CDIN1: variants seen among roughly 807,000 people sequenced by gnomAD.
The protein encoded by CDIN1 is CDAN1 interacting nuclease 1.
In CDIN1, 33 loss-of-function variants were observed where a neutral mutation model predicts 45.3. The observed-to-expected ratio is 0.73, with a 90% CI of 0.55 to 0.97. The LOEUF is 0.97. CDIN1 is among the 50% of genes least tolerant of loss of function. The probability of loss-of-function intolerance (pLI) is 0.00; values close to 1 mark genes in which losing one functional copy is unlikely to be tolerated. For synonymous variants in CDIN1, 118 were observed against 124.4 expected, an observed-to-expected ratio of 0.95 and a Z score of 0.34; for missense variants, 303 against 339.4, an observed-to-expected ratio of 0.89 and a Z score of 0.84.
chr15:36,615,413 C>T (rs750304668), intron 1 of CDIN1, among the ~76,000 whole-genome samples: 30 of 152,146 alleles, frequency 2.0e-4, no homozygotes, highest in Admixed American at 7.2e-4. Flanking sequence ...ATCAATAGTG[C>T]AACTGTTTTG....
Position 36,691,627 on chromosome 15 carries a change from A to G in CDIN1, c.347-58A>G, listed in dbSNP as rs553916138. 18 of 1,086,278 alleles carry G rather than the reference A, an allele frequency of 1.7e-5. No individual in the cohort carries two copies. The South Asian group carries it at 2.1e-4, about 12-fold the overall frequency. 67.3% of individuals were successfully genotyped at this position (1,086,278 alleles called of 1,614,324 possible). A position where few individuals can be genotyped will look rare whatever the true frequency, so the allele number is the denominator to read the frequency against. ...TATATGTAGATATATGTCACTCCTC[A>G]TGTTGCATTAAAAGTATGTTGACTA... On this transcript the variant is annotated intron_variant, in intron 5 of 10. Transcript: ENST00000566621.
chr15:36,644,359 G>A lies in CDIN1; in HGVS notation c.147+36G>A, dbSNP rs1050073140. On this transcript the variant is annotated intron_variant, in intron 2 of 10. Transcript: ENST00000566621. Reference sequence around the variant, plus strand: ...TTCTCCTTTGTGAGGGTTGACAGGTGCCTAATTGAATGATGAATGTCCCTT... The same window carrying A: ...TTCTCCTTTGTGAGGGTTGACAGGTACCTAATTGAATGATGAATGTCCCTT... The A allele has an allele frequency of 2.5e-6, 4 of 1,589,598 alleles. No individual in the cohort carries two copies. The African/African-American group carries it at 5.4e-5, about 22-fold the overall frequency.
intron 1 of CDIN1, among the ~76,000 whole-genome samples, chr15:36,636,423 G>C (rs907510818): frequency 1.1e-4 from 16 of 152,112 alleles, no homozygotes; most frequent in Non-Finnish European, 2.1e-4. Context: ...GTGGTGGCAG[G>C]CGCCTGTAGT....
intron 1 of CDIN1, among the ~76,000 whole-genome samples, chr15:36,633,707 G>A (rs1405774920): frequency 2.0e-5 from 3 of 150,976 alleles, no homozygotes. Flanking sequence ...AGATTAATAT[G>A]TGGAGAACTG....
intron 10 of CDIN1, among the ~76,000 whole-genome samples, chr15:36,719,057 C>G (rs1419604528): frequency 6.6e-6 from 1 of 150,626 alleles, no homozygotes; most frequent in Non-Finnish European, 1.5e-5. Context: ...GACCCTGTTT[C>G]TATTAAAAAA....
At chr15:36,649,566 C>G (rs1395234609) in intron 3 of CDIN1, among the ~76,000 whole-genome samples, 1 of 152,106 alleles carries the variant, frequency 6.6e-6, no homozygotes, top group African/African-American at 2.4e-5. Flanking sequence ...TCATTTATAT[C>G]TAAGATGAAA....
chr15:36,705,390 TA>T (rs1331615254), intron 8 of CDIN1: 1 of 152,168 alleles, frequency 6.6e-6, no homozygotes, highest in Non-Finnish European at 1.5e-5. Context: ...TTCCCCACTT[TA>T]AAAATATTAC....
chr15:36,579,904 T>C lies in CDIN1; in HGVS notation c.44T>C (p.Leu15Pro). 2.5e-6 allele frequency: 4 copies of C among 1,614,006 alleles called. No individual in the cohort carries two copies. Among genetic ancestry groups the C allele is most frequent in the Non-Finnish European group, 3.4e-6 (4 of 1,179,888 alleles). Residue 15 changes from leucine (L) to proline (P), a missense_variant, in exon 1 of 11, where the codon CTA (leucine) becomes CCA (proline). Coordinates refer to ENST00000566621, the MANE Select transcript of CDIN1 (RefSeq NM_001321759.2). ...KAQYDEIAQCLVSVPPTRQSL... is the reference protein window; with the variant it reads ...KAQYDEIAQCPVSVPPTRQSL... Reference sequence around the variant, plus strand: ...CAGTACGACGAGATAGCCCAGTGCCTAGTGTCTGTGCCGCCTACCAGGCAG... The same window carrying C: ...CAGTACGACGAGATAGCCCAGTGCCCAGTGTCTGTGCCGCCTACCAGGCAG...
intron 10 of CDIN1, among the ~76,000 whole-genome samples, chr15:36,774,163 T>TGCGCGC (rs1555407088): frequency 0.61 from 87,257 of 143,064 alleles, 29,380 homozygotes; most frequent in Middle Eastern, 0.76. Flanking sequence ...TGTGTGTGTG[T>TGCGCGC]GCGCGCGCGC....
chr15:36,656,820 A>C (rs1336719232), intron 4 of CDIN1, among the ~76,000 whole-genome samples: 1 of 152,152 alleles, frequency 6.6e-6, no homozygotes, highest in Non-Finnish European at 1.5e-5. Context: ...CATACAAATG[A>C]AGCCAGCCTT....
intron 10 of CDIN1, among the ~76,000 whole-genome samples, chr15:36,720,009 A>G (rs2043350338): frequency 6.6e-6 from 1 of 151,866 alleles, no homozygotes; most frequent in Admixed American, 6.6e-5. Context: ...TTCTAGATCA[A>G]TCTGCCTAGA....
chr15:36,620,299 C>T (rs1010523943), intron 1 of CDIN1, among the ~76,000 whole-genome samples: 2 of 151,572 alleles, frequency 1.3e-5, no homozygotes, highest in Non-Finnish European at 2.9e-5. Flanking sequence ...TGCAGTGAGC[C>T]GAGATGGCGC....
rs1403417982 is a variant in CDIN1 at position 36,625,449 on chromosome 15, T to C, written c.102-18829T>C. ...AGTTAGTAGGATGTCTTATGTATTCTAGCAGGATTTCATACATTGAAGAAT... is the reference window on the plus strand; with the variant it reads ...AGTTAGTAGGATGTCTTATGTATTCCAGCAGGATTTCATACATTGAAGAAT... On this transcript the variant is annotated intron_variant, in intron 1 of 10. Transcript: ENST00000566621. 2.6e-5 allele frequency among the ~76,000 whole-genome samples: 4 copies of C among 152,332 alleles called. No homozygotes were observed. The East Asian group carries it at 7.7e-4, about 29-fold the overall frequency.
intron 1 of CDIN1, among the ~76,000 whole-genome samples, chr15:36,620,799 A>G (rs1222204745): frequency 7.3e-6 from 1 of 137,278 alleles, no homozygotes; most frequent in East Asian, 2.0e-4. Context: ...TTAAAGGCTT[A>G]ATTTTGGGGG....
chr15:36,607,952 G>A (rs773081352), intron 1 of CDIN1, among the ~76,000 whole-genome samples: 1 of 152,134 alleles, frequency 6.6e-6, no homozygotes, highest in Non-Finnish European at 1.5e-5. Flanking sequence ...TTTGTATAAT[G>A]GATATTATAC....
chr15:36,605,502 C>T (rs778537609), intron 1 of CDIN1, among the ~76,000 whole-genome samples: 7 of 152,102 alleles, frequency 4.6e-5, no homozygotes, highest in Non-Finnish European at 8.8e-5. Flanking sequence ...GAGGTTTCCG[C>T]GTTAGCTGGA....
intron 5 of CDIN1, among the ~76,000 whole-genome samples, chr15:36,658,659 T>G (rs1334373356): frequency 3.9e-5 from 6 of 152,214 alleles, no homozygotes; most frequent in Admixed American, 3.9e-4. Flanking sequence ...AATGTTTACC[T>G]TTGGAGCTCA....
chr15:36,759,616 A>G (rs567413552), intron 10 of CDIN1, among the ~76,000 whole-genome samples: 15 of 152,306 alleles, frequency 9.8e-5, no homozygotes, highest in African/African-American at 3.4e-4. Flanking sequence ...CATTGACACT[A>G]TTAGCATTGT....
intron 1 of CDIN1, among the ~76,000 whole-genome samples, chr15:36,581,729 AT>A (rs1555378413): frequency 6.6e-6 from 1 of 151,992 alleles, no homozygotes; most frequent in Non-Finnish European, 1.5e-5. Flanking sequence ...AATCCAAAAA[AT>A]TAGCTGGGTG....
Sources: gnomAD v4.1 joint callset for allele counts (sites outside exome capture counted in the v4.1 genomes callset) on GRCh38, gnomAD v4.1.1 for gene constraint, MANE v1.5 for transcripts, NCBI Gene and HGNC (gene_info 2026-07-23, HGNC 2026-07-21) for gene names.